Variants in LRRIQ1 observed in about 807,000 individuals in gnomAD.
The protein encoded by LRRIQ1 is leucine rich repeats and IQ motif containing 1.
A neutral mutation model predicts 211.9 loss-of-function variants in LRRIQ1; 210 were observed. The observed-to-expected ratio is 0.99, with a 90% CI of 0.89 to 1.11. The LOEUF (loss-of-function observed/expected upper bound fraction) is 1.11, where lower values mean the gene tolerates loss of function less well. LRRIQ1 is among the 50% of genes most tolerant of loss of function. LRRIQ1 has a pLI of 0.00. For missense variants in LRRIQ1, 2,136 were observed against 1,939.5 expected (o/e 1.10, Z -1.90); for synonymous variants, 699 against 650.1 (o/e 1.08, Z -1.14).
chr12:85,071,008 T>C (rs1883022917), intron 10 of LRRIQ1, among the ~76,000 whole-genome samples: 1 of 151,974 alleles, frequency 6.6e-6, no homozygotes, highest in African/African-American at 2.4e-5. Flanking sequence ...AAATTGATAA[T>C]TTAGTTTGCT....
chr12:85,218,928 CTT>C (rs1894276055), intron 24 of LRRIQ1, among the ~76,000 whole-genome samples: 2 of 152,064 alleles, frequency 1.3e-5, no homozygotes, highest in African/African-American at 2.4e-5. Flanking sequence ...TTTTGCTTCT[CTT>C]AAATTTTTGC....
chr12:85,097,121 G>T (rs536744110), intron 11 of LRRIQ1, among the ~76,000 whole-genome samples: 2 of 152,202 alleles, frequency 1.3e-5, no homozygotes, highest in Non-Finnish European at 1.5e-5. Context: ...TTCTCAATTT[G>T]TGCCTTTTAA....
At chr12:85,128,491 T>C (rs1455677021) in intron 18 of LRRIQ1, among the ~76,000 whole-genome samples, 2 of 152,086 alleles carry the variant, frequency 1.3e-5, no homozygotes, top group Non-Finnish European at 2.9e-5. Context: ...TCCTAGCTAC[T>C]TGGGAGGCTG....
intron 8 of LRRIQ1, among the ~76,000 whole-genome samples, chr12:85,064,512 C>G (rs1419246786): frequency 6.6e-6 from 1 of 151,706 alleles, no homozygotes; most frequent in African/African-American, 2.4e-5. Context: ...TGTACAGAAG[C>G]TTTTTAACTT....
At position 85,056,019 on chromosome 12, in the gene LRRIQ1, A is replaced by T; in HGVS notation, c.1226A>T (p.His409Leu). Residue 409 changes from histidine (H) to leucine (L), a missense_variant, in exon 8 of 27, where the codon CAT (histidine) becomes CTT (leucine). Coordinates refer to ENST00000393217, the MANE Select transcript of LRRIQ1 (RefSeq NM_001079910.2). ...AAGAAGAGCGGATATAATAACAAACATTTAAGTCTTGAAGATATTTCAAAT... is the reference window on the plus strand; with the variant it reads ...AAGAAGAGCGGATATAATAACAAACTTTTAAGTCTTGAAGATATTTCAAAT... ...ALKKSGYNNK[H>L]LSLEDISNDK... 2 of 1,605,060 alleles carry T rather than the reference A, an allele frequency of 1.2e-6. No homozygotes were observed. The highest frequency in any genetic ancestry group is 1.7e-6 in the Non-Finnish European group (2 of 1,177,416).
chr12:85,216,324 TC>T (rs1894079501), intron 24 of LRRIQ1, among the ~76,000 whole-genome samples: 1 of 152,146 alleles, frequency 6.6e-6, no homozygotes, highest in Admixed American at 6.6e-5. Flanking sequence ...TTCATCTATG[TC>T]CCTGCAAAGG....
intron 15 of LRRIQ1, among the ~76,000 whole-genome samples, chr12:85,112,265 A>G (rs923527822): frequency 6.6e-6 from 1 of 151,674 alleles, no homozygotes; most frequent in East Asian, 1.9e-4. Flanking sequence ...TTCTCTTAAA[A>G]TGATTTTTAT....
chr12:85,109,754 T>A (rs1223933649), intron 15 of LRRIQ1, among the ~76,000 whole-genome samples: 1 of 152,152 alleles, frequency 6.6e-6, no homozygotes, highest in Non-Finnish European at 1.5e-5. Context: ...TGATATATAC[T>A]AAAGTTTGAA....
intron 6 of LRRIQ1, among the ~76,000 whole-genome samples, chr12:85,050,423 C>T (rs996571923): frequency 6.6e-6 from 1 of 152,170 alleles, no homozygotes; most frequent in South Asian, 2.1e-4. Flanking sequence ...ACAAAAACTG[C>T]ATACTCAGAG....
chr12:85,097,900 G>A (rs1184951334), intron 11 of LRRIQ1, among the ~76,000 whole-genome samples: 1 of 152,088 alleles, frequency 6.6e-6, no homozygotes, highest in Non-Finnish European at 1.5e-5. Context: ...TGAAATACCT[G>A]AAGAATATGC....
intron 24 of LRRIQ1, among the ~76,000 whole-genome samples, chr12:85,176,197 A>G (rs759479868): frequency 4.6e-5 from 7 of 152,008 alleles, no homozygotes; most frequent in Non-Finnish European, 8.8e-5. Flanking sequence ...AGTGGTTTGT[A>G]GTTCTCCTTG....
At chr12:85,152,438 T>G in intron 20 of LRRIQ1, 69 bp downstream of exon 20, 1 of 1,135,688 alleles carries the variant, frequency 8.8e-7, no homozygotes, top group Non-Finnish European at 1.3e-6. Context: ...TATGTTGCAG[T>G]GATTAATAAT....
chr12:85,060,159 C>T (rs953573912), intron 8 of LRRIQ1, among the ~76,000 whole-genome samples: 2 of 151,690 alleles, frequency 1.3e-5, no homozygotes, highest in Admixed American at 6.6e-5. Flanking sequence ...GAACATGGCC[C>T]AGGGCTTCTA....
chr12:85,117,520 G>T (rs1887671571), intron 15 of LRRIQ1, among the ~76,000 whole-genome samples: 1 of 152,102 alleles, frequency 6.6e-6, no homozygotes, highest in African/African-American at 2.4e-5. Flanking sequence ...ACTAGAACAT[G>T]ACTTTGGCAG....
chr12:85,144,934 T>C (rs1889786891), intron 19 of LRRIQ1, among the ~76,000 whole-genome samples: 1 of 151,698 alleles, frequency 6.6e-6, no homozygotes, highest in African/African-American at 2.4e-5. Flanking sequence ...TTTGTTTGTT[T>C]GTTTTTGTTT....
intron 18 of LRRIQ1, 39 bp from the exon 19 acceptor site, chr12:85,137,811 T>C: frequency 6.5e-7 from 1 of 1,535,392 alleles, no homozygotes; most frequent in African/African-American, 1.4e-5. Flanking sequence ...TAGGGTTTGA[T>C]CTATAACTTT....
intron 18 of LRRIQ1, among the ~76,000 whole-genome samples, chr12:85,136,162 G>A (rs890592577): frequency 2.1e-5 from 3 of 143,012 alleles, no homozygotes; most frequent in African/African-American, 5.4e-5. Context: ...TCCAACCTGC[G>A]TGTACTTGTG....
intron 3 of LRRIQ1, among the ~76,000 whole-genome samples, chr12:85,042,184 C>G (rs909961408): frequency 6.6e-6 from 1 of 151,566 alleles, no homozygotes; most frequent in African/African-American, 2.4e-5. Context: ...AACTGAGATA[C>G]AACTACAGTT....
chr12:85,104,411 A>C (rs1886625671), intron 14 of LRRIQ1, among the ~76,000 whole-genome samples: 1 of 151,912 alleles, frequency 6.6e-6, no homozygotes, highest in African/African-American at 2.4e-5. Context: ...AAAATTTATT[A>C]AAGAATCATG....
Sources: allele counts gnomAD v4.1 joint callset (sites outside exome capture counted in the v4.1 genomes callset), GRCh38; gene constraint gnomAD v4.1.1; transcripts MANE v1.5; gene names NCBI Gene and HGNC (gene_info 2026-07-23, HGNC 2026-07-21).